Variants in NUBPL observed in about 807,000 individuals in gnomAD.
NUBPL encodes NUBP iron-sulfur cluster assembly factor, mitochondrial, also known as iron-sulfur cluster transfer protein NUBPL.
Under a neutral mutation model 45.7 loss-of-function variants are expected in NUBPL, and 31 were observed. That is an observed-to-expected ratio of 0.68 (90% CI 0.51 to 0.92). The LOEUF (loss-of-function observed/expected upper bound fraction) is 0.92, where lower values mean the gene tolerates loss of function less well. NUBPL is among the 40% of genes least tolerant of loss of function. The probability of loss-of-function intolerance (pLI) is 0.00; values close to 1 mark genes in which losing one functional copy is unlikely to be tolerated. For missense variants in NUBPL, 401 were observed against 398.7 expected (o/e 1.01, Z -0.05); for synonymous variants, 144 against 140.9 (o/e 1.02, Z -0.15).
At chr14:31,612,874 A>G (rs1003948650) in intron 4 of NUBPL, among the ~76,000 whole-genome samples, 1 of 152,160 alleles carries the variant, frequency 6.6e-6, no homozygotes, top group Non-Finnish European at 1.5e-5. Context: ...ACTATGGAGA[A>G]CAATTTGGAA....
intron 6 of NUBPL, among the ~76,000 whole-genome samples, chr14:31,780,583 A>G (rs1166118641): frequency 6.6e-6 from 1 of 152,160 alleles, no homozygotes. Flanking sequence ...ATAACAATTA[A>G]GTTATGACTT....
intron 6 of NUBPL, among the ~76,000 whole-genome samples, chr14:31,693,413 A>G (rs1452605216): frequency 6.6e-6 from 1 of 152,188 alleles, no homozygotes; most frequent in Non-Finnish European, 1.5e-5. Flanking sequence ...ACATTATAAA[A>G]CTAATATAAG....
chr14:31,605,043 TA>T (rs1269964717), intron 4 of NUBPL, among the ~76,000 whole-genome samples: 1 of 152,228 alleles, frequency 6.6e-6, no homozygotes, highest in Non-Finnish European at 1.5e-5. Flanking sequence ...GAATAAAACC[TA>T]AACGTCCTTG....
intron 8 of NUBPL, among the ~76,000 whole-genome samples, chr14:31,833,786 C>T (rs1025590236): frequency 1.1e-4 from 16 of 152,182 alleles, no homozygotes; most frequent in Admixed American, 2.6e-4. Flanking sequence ...GATGTACCTA[C>T]ATTGGAGATT....
At chr14:31,776,628 T>C (rs1465512885) in intron 6 of NUBPL, among the ~76,000 whole-genome samples, 3 of 152,184 alleles carry the variant, frequency 2.0e-5, no homozygotes, top group Admixed American at 6.5e-5. Context: ...GCCCATTTGG[T>C]TCATCTTCAT....
intron 6 of NUBPL, among the ~76,000 whole-genome samples, chr14:31,774,806 T>G (rs2039070190): frequency 6.6e-6 from 1 of 152,206 alleles, no homozygotes; most frequent in African/African-American, 2.4e-5. Context: ...AAACCCGTGA[T>G]GTAATCAATC....
At chr14:31,709,997 C>T (rs2037534958) in intron 6 of NUBPL, among the ~76,000 whole-genome samples, 1 of 152,122 alleles carries the variant, frequency 6.6e-6, no homozygotes, top group South Asian at 2.1e-4. Context: ...TTGGACATAA[C>T]TTATTTCACT....
chr14:31,662,288 ATTTTATTTTAC>A (rs2036289859), intron 4 of NUBPL: 1 of 54,598 alleles, frequency 1.8e-5, no homozygotes, highest in Non-Finnish European at 7.9e-5. Flanking sequence ...TATTTATTTT[ATTTTATTTTAC>A]TTTATTTTAT....
chr14:31,769,878 G>A (rs1010978468), intron 6 of NUBPL, among the ~76,000 whole-genome samples: 6 of 151,884 alleles, frequency 4.0e-5, no homozygotes, highest in Non-Finnish European at 7.4e-5. Flanking sequence ...AGGTTAATTG[G>A]CTGTCCTGTG....
chr14:31,806,746 T>C (rs562915953), intron 7 of NUBPL, among the ~76,000 whole-genome samples: 1 of 152,208 alleles, frequency 6.6e-6, no homozygotes, highest in South Asian at 2.1e-4. Flanking sequence ...ACATTAGGTA[T>C]TTCTACTACT....
intron 8 of NUBPL, chr14:31,844,453 T>G (rs2040422288): frequency 6.6e-6 from 1 of 152,240 alleles, no homozygotes; most frequent in Non-Finnish European, 1.5e-5. Flanking sequence ...TCTCTAGCTT[T>G]CTGGAGATAG....
chr14:31,758,704 A>G (rs528483476), intron 6 of NUBPL, among the ~76,000 whole-genome samples: 1 of 152,306 alleles, frequency 6.6e-6, no homozygotes, highest in South Asian at 2.1e-4. Flanking sequence ...AAGAGATGAG[A>G]CCATAAAATT....
intron 4 of NUBPL, among the ~76,000 whole-genome samples, chr14:31,607,391 A>AC (rs2034632089): frequency 2.0e-5 from 3 of 151,896 alleles, no homozygotes; most frequent in South Asian, 4.2e-4. Context: ...TCAAAAAAAA[A>AC]AACAACAAAA....
At chr14:31,779,700 G>T (rs900667155) in intron 6 of NUBPL, among the ~76,000 whole-genome samples, 1 of 152,178 alleles carries the variant, frequency 6.6e-6, no homozygotes, top group Non-Finnish European at 1.5e-5. Context: ...GGAAGATTCA[G>T]TTCAATCTAC....
chr14:31,758,449 A>G lies in NUBPL; in HGVS notation c.514-29331A>G, dbSNP rs897742248. 6.6e-5 allele frequency among the ~76,000 whole-genome samples: 10 copies of G among 152,296 alleles called. 1 individual carries two copies. Among genetic ancestry groups the G allele is most frequent in the African/African-American group, 1.7e-4 (7 of 41,584 alleles). On this transcript the variant is annotated intron_variant, in intron 6 of 10. Transcript: ENST00000281081. ...GCAAAGCTTCAGAAAAATGTAGAAA[A>G]TTCACAAAATGTCAAATTTTCTCTT...
intron 6 of NUBPL, among the ~76,000 whole-genome samples, chr14:31,769,766 G>A (rs1182440681): frequency 6.6e-6 from 1 of 151,848 alleles, no homozygotes; most frequent in African/African-American, 2.4e-5. Context: ...TACACAAACA[G>A]ATCATAGTCA....
At chr14:31,633,967 C>A (rs1050960938) in intron 4 of NUBPL, among the ~76,000 whole-genome samples, 4 of 151,970 alleles carry the variant, frequency 2.6e-5, no homozygotes, top group African/African-American at 9.7e-5. Flanking sequence ...CAGGTTTGAA[C>A]GTTGTGTCCA....
chr14:31,852,056 A>G (rs190084421), intron 10 of NUBPL, among the ~76,000 whole-genome samples: 1 of 152,330 alleles, frequency 6.6e-6, no homozygotes, highest in Admixed American at 6.5e-5. Flanking sequence ...TGGCAGGAAG[A>G]GCACTAAATC....
At chr14:31,821,411 C>T (rs1372803021) in intron 7 of NUBPL, among the ~76,000 whole-genome samples, 1 of 152,124 alleles carries the variant, frequency 6.6e-6, no homozygotes, top group East Asian at 1.9e-4. Context: ...AGAAGTCATA[C>T]AGTGGCAAAC....
Sources: gnomAD v4.1 joint callset for allele counts (sites outside exome capture counted in the v4.1 genomes callset) on GRCh38, gnomAD v4.1.1 for gene constraint, MANE v1.5 for transcripts, NCBI Gene and HGNC (gene_info 2026-07-23, HGNC 2026-07-21) for gene names.